The following GPC5 variants were observed in gnomAD, a reference collection of about 807,000 sequenced individuals.
The protein encoded by GPC5 is glypican-5.
A neutral mutation model predicts 53.9 loss-of-function variants in GPC5; 47 were observed. That is an observed-to-expected ratio of 0.87 (90% CI 0.69 to 1.11). The LOEUF (loss-of-function observed/expected upper bound fraction) is 1.11. GPC5 is among the 50% of genes most tolerant of loss of function. GPC5 has a pLI of 0.00. For synonymous variants in GPC5, 286 were observed against 263.3 expected (o/e 1.09, Z -0.84); for missense variants, 748 against 713.1 (o/e 1.05, Z -0.56).
intron 7 of GPC5, among the ~76,000 whole-genome samples, chr13:92,497,599 T>C (rs1477650110): frequency 6.6e-6 from 1 of 152,162 alleles, no homozygotes. Context: ...CTGCTTTGAT[T>C]CCATAAGAAA....
chr13:91,476,128 ACT>A (rs1318629080), intron 2 of GPC5, among the ~76,000 whole-genome samples: 1 of 152,154 alleles, frequency 6.6e-6, no homozygotes, highest in Admixed American at 6.6e-5. Flanking sequence ...GTTGTGAGGG[ACT>A]GTCCTGTGTA....
At chr13:92,758,458 T>C (rs901726266) in intron 7 of GPC5, among the ~76,000 whole-genome samples, 91 of 152,012 alleles carry the variant, frequency 6.0e-4, no homozygotes, top group Non-Finnish European at 1.1e-3. Context: ...ACATGTACCC[T>C]AAAACTTAAA....
chr13:92,283,752 G>C (rs1203679021), intron 7 of GPC5, among the ~76,000 whole-genome samples: 3 of 152,302 alleles, frequency 2.0e-5, no homozygotes, highest in Non-Finnish European at 4.4e-5. Context: ...AGTGTGTAGA[G>C]GGAAATTTTT....
At chr13:92,176,243 G>C (rs1346360190) in intron 7 of GPC5, among the ~76,000 whole-genome samples, 1 of 151,790 alleles carries the variant, frequency 6.6e-6, no homozygotes. Context: ...TGCTTATCCA[G>C]AGACTACACC....
At chr13:92,120,115 T>A (rs999457562) in intron 6 of GPC5, among the ~76,000 whole-genome samples, 3 of 152,206 alleles carry the variant, frequency 2.0e-5, no homozygotes, top group African/African-American at 7.2e-5. Flanking sequence ...CTTTAATTAC[T>A]CATAAGAGGG....
intron 7 of GPC5, among the ~76,000 whole-genome samples, chr13:92,153,109 A>G (rs1233155390): frequency 6.6e-6 from 1 of 152,160 alleles, no homozygotes; most frequent in Non-Finnish European, 1.5e-5. Flanking sequence ...GCTGATGGAT[A>G]TAGGTGTACT....
chr13:92,031,428 T>C (rs1436788936), intron 6 of GPC5, among the ~76,000 whole-genome samples: 1 of 151,830 alleles, frequency 6.6e-6, no homozygotes, highest in Non-Finnish European at 1.5e-5. Context: ...CAAATGGTGG[T>C]TCTACTTTTA....
intron 7 of GPC5, among the ~76,000 whole-genome samples, chr13:92,268,898 T>C (rs1240168000): frequency 6.6e-6 from 1 of 152,134 alleles, no homozygotes; most frequent in Non-Finnish European, 1.5e-5. Context: ...TTTTTTAGTA[T>C]GTTTAATTGC....
intron 5 of GPC5, among the ~76,000 whole-genome samples, chr13:91,902,813 A>G (rs1337341264): frequency 4.6e-5 from 7 of 152,034 alleles, no homozygotes; most frequent in African/African-American, 7.2e-5. Flanking sequence ...TTTATATCAG[A>G]CTTAGATCCT....
chr13:92,704,896 T>TAGA (rs5805757), intron 7 of GPC5, among the ~76,000 whole-genome samples: 7,832 of 151,000 alleles, frequency 0.052, 573 homozygotes, highest in East Asian at 0.32. Flanking sequence ...TGTATATATA[T>TAGA]GAGTATATAT....
chr13:92,258,374 A>G (rs1373380824), intron 7 of GPC5, among the ~76,000 whole-genome samples: 2 of 152,220 alleles, frequency 1.3e-5, no homozygotes, highest in East Asian at 3.9e-4. Context: ...AATACAACTT[A>G]CAACTATAAT....
At chr13:92,316,163 G>T (rs2043177948) in intron 7 of GPC5, among the ~76,000 whole-genome samples, 1 of 151,968 alleles carries the variant, frequency 6.6e-6, no homozygotes, top group Admixed American at 6.6e-5. Flanking sequence ...GTAAGAGATT[G>T]TAGTAGAAAC....
chr13:92,134,976 G>A (rs552661053), intron 6 of GPC5, among the ~76,000 whole-genome samples: 12 of 152,080 alleles, frequency 7.9e-5, no homozygotes, highest in South Asian at 2.1e-4. Context: ...AGAAATTTGC[G>A]TCACACATCT....
rs185091877 is a variant in GPC5, at chr13:91,774,275, G to A, written c.1280+17855G>A. Among the ~76,000 whole-genome samples the A allele has an allele frequency of 4.5e-3, 678 of 152,242 alleles. 4 individuals are homozygous for A. Among genetic ancestry groups the A allele is most frequent in the African/African-American group, 0.016 (657 of 41,546 alleles). ...ATGATTTTTAACTGCATACAAATGA[G>A]CACAAATAACTTGACATCTTGAAGA... On this transcript the variant is annotated intron_variant, in intron 5 of 7. Transcript: ENST00000377067.
chr13:92,584,994 A>AG (rs1358446654), intron 7 of GPC5, among the ~76,000 whole-genome samples: 1 of 151,950 alleles, frequency 6.6e-6, no homozygotes, highest in African/African-American at 2.4e-5. Context: ...CTGGATGCCT[A>AG]GGCAAAAGTT....
At chr13:92,860,199 G>A (rs1235547564) in intron 7 of GPC5, among the ~76,000 whole-genome samples, 1 of 152,058 alleles carries the variant, frequency 6.6e-6, no homozygotes, top group Non-Finnish European at 1.5e-5. Flanking sequence ...AAAAAAGGAA[G>A]GCTACTATTG....
At chr13:92,021,432 A>G (rs1393280071) in intron 6 of GPC5, among the ~76,000 whole-genome samples, 1 of 152,202 alleles carries the variant, frequency 6.6e-6, no homozygotes, top group African/African-American at 2.4e-5. Flanking sequence ...AGTCAAAAGC[A>G]TGGGGTGAAA....
At chr13:91,866,379 G>A (rs2138921844) in intron 5 of GPC5, among the ~76,000 whole-genome samples, 1 of 152,308 alleles carries the variant, frequency 6.6e-6, no homozygotes, top group Non-Finnish European at 1.5e-5. Flanking sequence ...GTGACTTCCA[G>A]TGTTGGAGGT....
At chr13:91,806,070 C>G (rs2038215738) in intron 5 of GPC5, among the ~76,000 whole-genome samples, 1 of 97,910 alleles carries the variant, frequency 1.0e-5, no homozygotes, top group Non-Finnish European at 1.8e-5. Flanking sequence ...AGTCTTTCCT[C>G]TGTTGCCCAG....
Sources: gnomAD v4.1 joint callset for allele counts (sites outside exome capture counted in the v4.1 genomes callset) on GRCh38, gnomAD v4.1.1 for gene constraint, MANE v1.5 for transcripts, NCBI Gene and HGNC (gene_info 2026-07-23, HGNC 2026-07-21) for gene names.